The following HNRNPK variants were observed in gnomAD, a reference collection of about 807,000 sequenced individuals.
HNRNPK encodes the protein dC-stretch binding protein.
Under a neutral mutation model 67.0 loss-of-function variants are expected in HNRNPK, and 7 were observed. The observed-to-expected ratio is 0.10, with a 90% CI of 0.06 to 0.20. The LOEUF is 0.20. Ranked by LOEUF, HNRNPK falls within the 10% of genes least tolerant of loss-of-function variation. The pLI is 1.00. For synonymous variants in HNRNPK, 213 were observed against 193.7 expected (o/e 1.10, Z -0.83); for missense variants, 264 against 606.5 (o/e 0.44, Z 5.93).
At chr9:83,971,412 T>A (rs1173575998) in intron 12 of HNRNPK, 56 bp from the exon 13 acceptor site, 1 of 1,185,540 alleles carries the variant, frequency 8.4e-7, no homozygotes, top group South Asian at 1.2e-5. Flanking sequence ...TATAGAGCTG[T>A]TTTTAATATG....
In HNRNPK at chr9:83,975,326, T is replaced by C. The variant is rs1957028649; in HGVS notation, c.257+136A>G. The C allele has an allele frequency of 1.3e-5, 10 of 793,484 alleles. No homozygotes were observed. The East Asian group carries it at 2.1e-4, about 17-fold the overall frequency. The allele number at this position is 793,484 out of a possible 1,614,324, so 49.2% of individuals were successfully genotyped here. On this transcript the variant is annotated intron_variant, in intron 6 of 16. Transcript: ENST00000376263. ...AAAGTTCAGTGACAAAAAGACTTAA[T>C]GGGGAAAATAAGACAGAAACTTGAA...
chr9:83,974,731 A>G, intron 6 of HNRNPK, 142 bp from the exon 7 acceptor site: 2 of 611,512 alleles, frequency 3.3e-6, no homozygotes, highest in Non-Finnish European at 2.9e-6. Context: ...TAGCCTATTT[A>G]TAGATTTCTC....
intron 9 of HNRNPK, 98 bp from the exon 10 acceptor site, chr9:83,973,070 C>T (rs1956925161): frequency 1.1e-6 from 1 of 893,144 alleles, no homozygotes; most frequent in African/African-American, 1.7e-5. Context: ...ATTAACCCCC[C>T]ACAATATAAA....
chr9:83,971,695 G>C lies in HNRNPK; in HGVS notation c.985C>G (p.Pro329Ala). The change falls in exon 12 of 17, where the codon CCT (proline) becomes GCT (alanine). Residue 329 changes from proline (P) to alanine (A), a missense_variant. Transcript: ENST00000376263. The part of the protein sequence containing the change: ...DLMAYDRRGR[P>A]GDRYDGMVGF... ...ACCATGCCGTCGTAACGGTCTCCAG[G>C]TCTCCCTCTTCTGTCATAGGCCATG... 1 of 1,613,902 alleles carries C rather than the reference G, an allele frequency of 6.2e-7. No individual in the cohort carries two copies. Among genetic ancestry groups the C allele is most frequent in the Non-Finnish European group, 8.5e-7 (1 of 1,179,826 alleles).
chr9:83,969,576 C>T (rs1014296957), intron 16 of HNRNPK, 136 bp from the exon 17 acceptor site: 2 of 662,756 alleles, frequency 3.0e-6, no homozygotes, highest in South Asian at 1.8e-5. Context: ...AAACCATTAG[C>T]AATTACAAAT....
Position 83,978,268 on chromosome 9 carries a change from G to T in HNRNPK, c.-16C>A. 1.2e-6 allele frequency: 2 copies of T among 1,607,628 alleles called. No individual in the cohort carries two copies. Among genetic ancestry groups the T allele is most frequent in the Non-Finnish European group, 1.7e-6 (2 of 1,177,008 alleles). On this transcript the variant is annotated 5_prime_UTR_variant, in exon 3 of 17. Transcript: ENST00000376263. ...CAGTTTCCATATTCTTTTATTAAAC[G>T]GGCACACCAATCTGTGGAAAAATAA...
intron 15 of HNRNPK, 34 bp downstream of exon 15, chr9:83,970,703 A>G (rs779676856): frequency 8.1e-7 from 1 of 1,240,790 alleles, no homozygotes; most frequent in Admixed American, 1.9e-5. Context: ...CATAAAAGTG[A>G]TAAAATGTTC....
intron 3 of HNRNPK, among the ~76,000 whole-genome samples, 197 bp downstream of exon 3, chr9:83,977,998 C>T (rs1056094638): frequency 1.3e-5 from 2 of 152,004 alleles, no homozygotes; most frequent in Non-Finnish European, 2.9e-5. Flanking sequence ...TCCCAAAATG[C>T]AAGAAAAATT....
chr9:83,970,072 G>A, intron 16 of HNRNPK, 90 bp downstream of exon 16: 1 of 1,065,754 alleles, frequency 9.4e-7, no homozygotes, highest in Non-Finnish European at 1.4e-6. Context: ...GAGACACCAT[G>A]GCTTCTAAAA....
intron 16 of HNRNPK, chr9:83,969,683 G>C: frequency 1.6e-6 from 1 of 608,626 alleles, no homozygotes; most frequent in South Asian, 1.9e-5. Flanking sequence ...TTAATATTTG[G>C]TAGAAAAGAC....
chr9:83,978,157 G>C (rs547611019), intron 3 of HNRNPK, 38 bp downstream of exon 3: 1 of 1,314,624 alleles, frequency 7.6e-7, no homozygotes, highest in East Asian at 2.3e-5. Context: ...TTATTAACAG[G>C]ATAAAAAAAT....
chr9:83,970,326 A>G lies in HNRNPK; in HGVS notation c.1197T>C (p.Ala399=). ...GACCACCTTTGCCAATAATAGATCC[A>G]GCCAACTGAAAAGATTTTTTAAAAG... is the stretch of plus-strand genomic sequence containing the variant. ...TTQVTIPKDL[A]GSIIGKGGQR... The change falls in exon 16 of 17, where the codon GCT becomes GCC. Residue 399 remains alanine (A), a synonymous_variant. Transcript: ENST00000376263. The G allele has an allele frequency of 6.2e-7, 1 of 1,609,546 alleles. No individual in the cohort carries two copies. Among genetic ancestry groups the G allele is most frequent in the South Asian group, 1.1e-5 (1 of 90,470 alleles).
chr9:83,971,008 T>C (rs1366115594), intron 13 of HNRNPK, 96 bp from the exon 14 acceptor site: 3 of 1,258,052 alleles, frequency 2.4e-6, no homozygotes, highest in South Asian at 1.2e-5. Context: ...AGTCTTGCTA[T>C]GTTGCCCAGG....
chr9:83,973,769 G>T (rs528306708), intron 8 of HNRNPK, 133 bp downstream of exon 8: 17 of 666,600 alleles, frequency 2.6e-5, no homozygotes, highest in Admixed American at 1.4e-4. Flanking sequence ...ACAGTGAGTT[G>T]TAAGACCATT....
chr9:83,973,207 C>T (rs750091037), intron 9 of HNRNPK, 79 bp downstream of exon 9: 10 of 880,404 alleles, frequency 1.1e-5, no homozygotes, highest in Non-Finnish European at 1.9e-5. Flanking sequence ...AGAGGGGAAG[C>T]GAGAGAAGCT....
chr9:83,971,205 C>T, intron 13 of HNRNPK, 68 bp downstream of exon 13: 1 of 1,105,262 alleles, frequency 9.0e-7, no homozygotes, highest in Non-Finnish European at 1.4e-6. Context: ...GAATAAAAAA[C>T]TTACTGGAGA....
rs1158422185 is a variant in HNRNPK, at chr9:83,970,834, G to A, written c.1109-15C>T. On this transcript the variant is annotated splice_polypyrimidine_tract_variant and intron_variant, in intron 14 of 16. Coordinates refer to ENST00000376263, the MANE Select transcript of HNRNPK (RefSeq NM_031263.4). ...ATAGGAATAATCTGATTTAAATAATGAGCAGTAAGTTCATTTAAAAAGTAT... is the reference window on the plus strand; with the variant it reads ...ATAGGAATAATCTGATTTAAATAATAAGCAGTAAGTTCATTTAAAAAGTAT... 6.2e-7 allele frequency: 1 copy of A among 1,607,598 alleles called. No homozygotes were observed. Among genetic ancestry groups the A allele is most frequent in the Non-Finnish European group, 8.5e-7 (1 of 1,174,348 alleles).
intron 1 of HNRNPK, among the ~76,000 whole-genome samples, chr9:83,979,229 G>C (rs149293403): frequency 5.9e-5 from 9 of 152,180 alleles, no homozygotes; most frequent in African/African-American, 7.2e-5. Context: ...AGACAGCAAA[G>C]AGCCAACAAG....
In HNRNPK at chr9:83,971,949, G is replaced by A; in HGVS notation, c.886C>T (p.Arg296Ter). ...GCTCTGCTACCACCCCGGCCGCCTC[G>A]TCCGGGAGGAGGGGGAGGTGGTCCT... Reference protein sequence around the residue: ...RRGPPPPPPGRGGRGGSRARN... With the variant: ...RRGPPPPPPG The change falls in exon 11 of 17, where the codon CGA becomes TGA. Residue 296 changes from arginine to a stop codon, truncating the protein, a stop_gained. Transcript: ENST00000376263. LOFTEE classifies it high-confidence loss of function. The A allele has an allele frequency of 6.2e-7, 1 of 1,600,554 alleles. No individual in the cohort carries two copies. Among genetic ancestry groups the A allele is most frequent in the Non-Finnish European group, 8.5e-7 (1 of 1,170,412 alleles).
Sources: gnomAD v4.1 joint callset for allele counts (sites outside exome capture counted in the v4.1 genomes callset) on GRCh38, gnomAD v4.1.1 for gene constraint, MANE v1.5 for transcripts, NCBI Gene and HGNC (gene_info 2026-07-23, HGNC 2026-07-21) for gene names.